The following TLN2 variants were observed in gnomAD, a reference collection of about 807,000 sequenced individuals.
TLN2 encodes talin-2.
TLN2 carries 118 observed loss-of-function variants against 294.7 expected under a neutral mutation model. That is an observed-to-expected ratio of 0.40 (90% CI 0.34 to 0.47). The LOEUF is 0.47. TLN2 is among the 20% of genes least tolerant of loss of function. The pLI is 0.84. For missense variants in TLN2, 3,083 were observed against 3,282.2 expected, an observed-to-expected ratio of 0.94 and a Z score of 1.48; for synonymous variants, 1,431 against 1,304.5, an observed-to-expected ratio of 1.10 and a Z score of -2.09.
At chr15:62,580,861 C>T (rs767801056) in intron 1 of TLN2, among the ~76,000 whole-genome samples, 8 of 151,858 alleles carry the variant, frequency 5.3e-5, no homozygotes, top group Admixed American at 1.3e-4. Context: ...GCCCCCTGAC[C>T]CCTGGCAACC....
chr15:62,451,857 C>T (rs1011942480), intron 1 of TLN2, among the ~76,000 whole-genome samples: 24 of 152,298 alleles, frequency 1.6e-4, no homozygotes, highest in Non-Finnish European at 2.2e-4. Context: ...TGCCCCAAGT[C>T]TTGTTTTGTG....
chr15:62,697,690 C>A lies in TLN2; in HGVS notation c.1295C>A (p.Ser432Tyr). 6.3e-7 allele frequency: 1 copy of A among 1,596,068 alleles called. No individual in the cohort carries two copies. The highest frequency in any genetic ancestry group is 1.1e-5 in the South Asian group (1 of 90,248). The change falls in exon 15 of 59, where the codon TCC (serine) becomes TAC (tyrosine). Residue 432 changes from serine (S) to tyrosine (Y), a missense_variant and splice_region_variant. Ser to Tyr is a moderately radical substitution (Grantham distance 144). Transcript: ENST00000636159. Reference sequence around the variant, plus strand: ...GACCAAACCACTTTTCCCGGCAGGTCCACCATCTTGCAGCAGCAGTTCAAC... The same window carrying A: ...GACCAAACCACTTTTCCCGGCAGGTACACCATCTTGCAGCAGCAGTTCAAC... ...MLEESVSPKK[S>Y]TILQQQFNRT...
intron 1 of TLN2, among the ~76,000 whole-genome samples, chr15:62,586,506 T>C (rs2045626357): frequency 6.6e-6 from 1 of 152,232 alleles, no homozygotes; most frequent in African/African-American, 2.4e-5. Context: ...ATACATGTAT[T>C]ACATGGGACT....
intron 16 of TLN2, among the ~76,000 whole-genome samples, chr15:62,700,553 A>G: frequency 6.6e-6 from 1 of 152,146 alleles, no homozygotes; most frequent in East Asian, 1.9e-4. Flanking sequence ...GATCCAGAAC[A>G]GGGATCTCAA....
intron 1 of TLN2, among the ~76,000 whole-genome samples, chr15:62,481,138 G>A (rs935257858): frequency 6.6e-6 from 1 of 152,182 alleles, no homozygotes; most frequent in Non-Finnish European, 1.5e-5. Flanking sequence ...GGATCCTGAA[G>A]GGCATGTTTC....
chr15:62,644,675 A>G, intron 3 of TLN2: 1 of 440,758 alleles, frequency 2.3e-6, no homozygotes, highest in South Asian at 1.6e-5. Flanking sequence ...TGTGCCCTGC[A>G]GGGCTCCCTC....
intron 54 of TLN2, among the ~76,000 whole-genome samples, chr15:62,826,287 A>C (rs1464429759): frequency 3.3e-5 from 5 of 152,214 alleles, no homozygotes; most frequent in Non-Finnish European, 7.3e-5. Flanking sequence ...AAAGCAATGG[A>C]TACTATGGGA....
At chr15:62,785,520 T>C (rs1874759) in intron 45 of TLN2, among the ~76,000 whole-genome samples, 149,622 of 152,260 alleles carry the variant, frequency 0.98, 73,564 homozygotes, top group Middle Eastern at 1. Flanking sequence ...GGCGTGATGG[T>C]GTGCGCCTGT....
chr15:62,537,217 G>T (rs982724833), intron 1 of TLN2, among the ~76,000 whole-genome samples: 7 of 151,822 alleles, frequency 4.6e-5, no homozygotes, highest in Non-Finnish European at 1.0e-4. Context: ...ATGGGGTTTC[G>T]CCGTGTTAGC....
chr15:62,599,488 C>T (rs1198306346), intron 2 of TLN2, among the ~76,000 whole-genome samples: 1 of 152,190 alleles, frequency 6.6e-6, no homozygotes, highest in African/African-American at 2.4e-5. Flanking sequence ...GTAATCTTCA[C>T]AGCTTTACAA....
intron 1 of TLN2, among the ~76,000 whole-genome samples, chr15:62,420,230 A>G (rs2034311365): frequency 6.6e-6 from 1 of 152,344 alleles, no homozygotes; most frequent in African/African-American, 2.4e-5. Flanking sequence ...AAATTTTTAA[A>G]TGCTTAATTT....
intron 55 of TLN2, 22 bp downstream of exon 55, chr15:62,833,651 A>G (rs2069115366): frequency 6.2e-7 from 1 of 1,611,466 alleles, no homozygotes; most frequent in African/African-American, 1.3e-5. Flanking sequence ...CGCTGACCAC[A>G]TGCGGGACAC....
At chr15:62,567,306 T>A (rs1281206352) in intron 1 of TLN2, among the ~76,000 whole-genome samples, 1 of 152,236 alleles carries the variant, frequency 6.6e-6, no homozygotes, top group African/African-American at 2.4e-5. Flanking sequence ...TAGTGTTAAA[T>A]CTGCAACATT....
chr15:62,740,314 C>G, intron 31 of TLN2: 1 of 255,630 alleles, frequency 3.9e-6, no homozygotes, highest in Non-Finnish European at 7.5e-6. Flanking sequence ...TGTGCATTGG[C>G]TCACAGCTCG....
At chr15:62,773,460 C>A (rs553550408) in intron 42 of TLN2, among the ~76,000 whole-genome samples, 1 of 152,104 alleles carries the variant, frequency 6.6e-6, no homozygotes, top group African/African-American at 2.4e-5. Flanking sequence ...CTCATTCAAC[C>A]TGCTCTCTTT....
intron 3 of TLN2, among the ~76,000 whole-genome samples, chr15:62,641,543 T>C (rs761906182): frequency 6.6e-6 from 1 of 151,984 alleles, no homozygotes; most frequent in Non-Finnish European, 1.5e-5. Flanking sequence ...TTGAACCGGC[T>C]ACTCGGGAGG....
intron 3 of TLN2, among the ~76,000 whole-genome samples, chr15:62,621,582 A>C (rs976684761): frequency 3.9e-5 from 6 of 152,196 alleles, no homozygotes; most frequent in African/African-American, 1.4e-4. Context: ...TGTGAAACTC[A>C]ATCGTGCAGC....
At chr15:62,581,789 A>T (rs886800198) in intron 1 of TLN2, among the ~76,000 whole-genome samples, 1 of 152,140 alleles carries the variant, frequency 6.6e-6, no homozygotes, top group African/African-American at 2.4e-5. Flanking sequence ...CACACCTGTA[A>T]TCCCAGCACT....
chr15:62,832,200 T>G (rs569829030), intron 54 of TLN2: 40 of 151,376 alleles, frequency 2.6e-4, no homozygotes, highest in African/African-American at 9.4e-4. Context: ...AAAAATCTAC[T>G]ACTGTTGGCA....
Sources: gnomAD v4.1 joint callset for allele counts (sites outside exome capture counted in the v4.1 genomes callset) on GRCh38, gnomAD v4.1.1 for gene constraint, MANE v1.5 for transcripts, NCBI Gene and HGNC (gene_info 2026-07-23, HGNC 2026-07-21) for gene names.